PCDH9: variants seen among roughly 807,000 people sequenced by gnomAD.
PCDH9 encodes the protein protocadherin 9.
In PCDH9, 24 loss-of-function variants were observed where a neutral mutation model predicts 70.6. The ratio of observed to expected loss-of-function variants is 0.34; its 90% CI spans 0.25 to 0.48. The LOEUF (loss-of-function observed/expected upper bound fraction) is 0.48. PCDH9 is among the 20% of genes least tolerant of loss of function. The probability of loss-of-function intolerance (pLI) is 0.99; values close to 1 mark genes in which losing one functional copy is unlikely to be tolerated. For missense variants in PCDH9, 1,281 were observed against 1,503.6 expected (o/e 0.85, Z 2.45); for synonymous variants, 562 against 558.5 (o/e 1.01, Z -0.09).
intron 4 of PCDH9, among the ~76,000 whole-genome samples, chr13:66,627,184 C>T (rs1009479383): frequency 4.6e-5 from 7 of 152,092 alleles, no homozygotes; most frequent in African/African-American, 1.7e-4. Flanking sequence ...ATCGAAATTA[C>T]TTAGTACTTC....
chr13:67,098,897 A>G (rs2086376772), intron 2 of PCDH9, among the ~76,000 whole-genome samples: 1 of 152,232 alleles, frequency 6.6e-6, no homozygotes, highest in South Asian at 2.1e-4. Flanking sequence ...ATTAAAATGC[A>G]GATGGTGGTG....
intron 3 of PCDH9, among the ~76,000 whole-genome samples, chr13:66,790,692 C>T (rs2139318000): frequency 6.6e-6 from 1 of 152,084 alleles, no homozygotes; most frequent in East Asian, 1.9e-4. Context: ...ACATAAATTG[C>T]CACCTGTCAT....
intron 4 of PCDH9, among the ~76,000 whole-genome samples, chr13:66,586,088 G>A (rs949604705): frequency 2.1e-4 from 32 of 152,164 alleles, no homozygotes; most frequent in Admixed American, 7.2e-4. Context: ...ATTCACAACT[G>A]AGAGTGAGAG....
chr13:66,972,530 T>A (rs2083543249), intron 2 of PCDH9, among the ~76,000 whole-genome samples: 2 of 151,968 alleles, frequency 1.3e-5, no homozygotes, highest in Non-Finnish European at 2.9e-5. Flanking sequence ...TTCCTCTCCT[T>A]AATAAATGAC....
At chr13:67,008,366 C>T (rs977937771) in intron 2 of PCDH9, among the ~76,000 whole-genome samples, 2 of 152,078 alleles carry the variant, frequency 1.3e-5, no homozygotes, top group African/African-American at 4.8e-5. Context: ...AGCTAGTACA[C>T]AATCTATAAA....
chr13:66,708,410 T>TTG (rs1555324412), intron 3 of PCDH9, among the ~76,000 whole-genome samples: 26 of 151,238 alleles, frequency 1.7e-4, no homozygotes, highest in Non-Finnish European at 7.4e-5. Context: ...TTAGTTTTTT[T>TTG]TTTTTTTTTT....
At chr13:66,477,551 T>C (rs1362463845) in intron 4 of PCDH9, among the ~76,000 whole-genome samples, 3 of 152,170 alleles carry the variant, frequency 2.0e-5, no homozygotes, top group Non-Finnish European at 2.9e-5. Flanking sequence ...GGCTGTATGG[T>C]ATTAGGCAAA....
chr13:66,520,791 A>C (rs1959956434), intron 4 of PCDH9, among the ~76,000 whole-genome samples: 1 of 152,122 alleles, frequency 6.6e-6, no homozygotes, highest in African/African-American at 2.4e-5. Context: ...TTATGTCTTA[A>C]TTCATAACCA....
rs1435325764 is a variant in PCDH9 at position 66,302,836 on chromosome 13, A to C, written c.*1819T>G. 6.6e-6 allele frequency: 1 copy of C among 152,594 alleles called. No homozygotes were observed. The highest frequency in any genetic ancestry group is 1.5e-5 in the Non-Finnish European group (1 of 68,018). 9.5% of individuals were successfully genotyped at this position (152,594 alleles called of 1,614,324 possible). A position where few individuals can be genotyped will look rare whatever the true frequency, so the allele number is the denominator to read the frequency against. On this transcript the variant is annotated 3_prime_UTR_variant, in exon 5 of 5. Coordinates refer to ENST00000377865, the MANE Select transcript of PCDH9 (RefSeq NM_203487.3). ...GACTAAGAATTAACACACTGCAATCAGGAATTCAGAACATTTATTGCAAGA... is the reference window on the plus strand; with the variant it reads ...GACTAAGAATTAACACACTGCAATCCGGAATTCAGAACATTTATTGCAAGA...
chr13:66,480,791 C>T (rs1409492176), intron 4 of PCDH9, among the ~76,000 whole-genome samples: 1 of 152,008 alleles, frequency 6.6e-6, no homozygotes, highest in Non-Finnish European at 1.5e-5. Flanking sequence ...ACCATTTGAC[C>T]CAGCAATCCC....
intron 4 of PCDH9, among the ~76,000 whole-genome samples, chr13:66,336,090 A>G (rs1203302285): frequency 1.3e-5 from 2 of 152,020 alleles, no homozygotes; most frequent in Non-Finnish European, 2.9e-5. Context: ...TTCCAAATAA[A>G]TGAGATATGA....
intron 2 of PCDH9, among the ~76,000 whole-genome samples, chr13:66,925,344 T>C (rs1029790747): frequency 1.3e-5 from 2 of 151,846 alleles, no homozygotes; most frequent in Non-Finnish European, 1.5e-5. Context: ...GCTTACCGTA[T>C]CTATAATATA....
chr13:66,533,779 C>T (rs147805956), intron 4 of PCDH9, among the ~76,000 whole-genome samples: 5 of 152,196 alleles, frequency 3.3e-5, no homozygotes, highest in East Asian at 1.9e-4. Flanking sequence ...AGGGAAGTTA[C>T]GGACAATTTT....
At chr13:66,585,376 C>T (rs770326134) in intron 4 of PCDH9, among the ~76,000 whole-genome samples, 23 of 151,872 alleles carry the variant, frequency 1.5e-4, no homozygotes, top group African/African-American at 2.7e-4. Flanking sequence ...AAAAATCTGA[C>T]GCAATTAAAA....
At chr13:66,422,536 A>C (rs573059886) in intron 4 of PCDH9, among the ~76,000 whole-genome samples, 2 of 152,350 alleles carry the variant, frequency 1.3e-5, no homozygotes, top group South Asian at 4.1e-4. Context: ...GAAACTGAAC[A>C]ACCTACTCCT....
intron 4 of PCDH9, among the ~76,000 whole-genome samples, chr13:66,424,673 G>T (rs750052668): frequency 9.2e-5 from 14 of 151,788 alleles, no homozygotes; most frequent in Non-Finnish European, 1.8e-4. Context: ...TTGTACACTG[G>T]CCAAAGATTT....
chr13:66,904,258 T>C (rs991269328), intron 2 of PCDH9, among the ~76,000 whole-genome samples: 4 of 152,032 alleles, frequency 2.6e-5, no homozygotes, highest in African/African-American at 9.7e-5. Flanking sequence ...ACATGAATTA[T>C]AGAACATAAG....
chr13:66,431,045 C>T (rs992972593), intron 4 of PCDH9, among the ~76,000 whole-genome samples: 38 of 152,058 alleles, frequency 2.5e-4, no homozygotes, highest in African/African-American at 8.5e-4. Context: ...GATATCTATA[C>T]ATCTTTCCAA....
intron 2 of PCDH9, among the ~76,000 whole-genome samples, chr13:66,905,919 T>C (rs1185948265): frequency 6.6e-6 from 1 of 152,194 alleles, no homozygotes; most frequent in Non-Finnish European, 1.5e-5. Flanking sequence ...ATTTCTACTG[T>C]ACCATATCTC....
Sources: gnomAD v4.1 joint callset for allele counts (sites outside exome capture counted in the v4.1 genomes callset) on GRCh38, gnomAD v4.1.1 for gene constraint, MANE v1.5 for transcripts, NCBI Gene and HGNC (gene_info 2026-07-23, HGNC 2026-07-21) for gene names.